Variants in AKAP13 observed in about 807,000 individuals in gnomAD.
AKAP13 encodes the protein A-kinase anchor protein 13.
A neutral mutation model predicts 264.5 loss-of-function variants in AKAP13; 80 were observed. That is an observed-to-expected ratio of 0.30 (90% CI 0.25 to 0.36). AKAP13 has a LOEUF of 0.36. AKAP13 is among the 10% of genes least tolerant of loss of function. The pLI is 1.00. For synonymous variants in AKAP13, 1,380 were observed against 1,250.2 expected (o/e 1.10, Z -2.19); for missense variants, 3,712 against 3,435.2 (o/e 1.08, Z -2.01).
chr15:85,638,785 C>T (rs1401546232), intron 8 of AKAP13, among the ~76,000 whole-genome samples: 2 of 150,578 alleles, frequency 1.3e-5, no homozygotes, highest in South Asian at 2.1e-4. Flanking sequence ...TTTGAGATGG[C>T]GTCTTGCTCC....
At chr15:85,743,999 T>A in intron 36 of AKAP13, 174 bp downstream of exon 36, 1 of 713,186 alleles carries the variant, frequency 1.4e-6, no homozygotes, top group Non-Finnish European at 2.3e-6. Flanking sequence ...CAGCGAACAT[T>A]AAGAACCCAC....
intron 2 of AKAP13, among the ~76,000 whole-genome samples, chr15:85,487,724 C>T (rs2075601115): frequency 6.7e-6 from 1 of 149,636 alleles, no homozygotes; most frequent in South Asian, 2.1e-4. Context: ...CGCCACCATG[C>T]CTGGCTATTT....
At chr15:85,479,370 G>A (rs1425051787) in intron 1 of AKAP13, among the ~76,000 whole-genome samples, 1 of 152,194 alleles carries the variant, frequency 6.6e-6, no homozygotes, top group Non-Finnish European at 1.5e-5. Context: ...TCATTTCCAT[G>A]TTAACCCTCA....
intron 1 of AKAP13, among the ~76,000 whole-genome samples, chr15:85,412,796 A>G (rs2072041582): frequency 6.6e-6 from 1 of 152,202 alleles, no homozygotes; most frequent in Non-Finnish European, 1.5e-5. Context: ...ACAGAGGAAA[A>G]TAATTAGTAT....
At position 85,585,690 on chromosome 15, in the gene AKAP13, C is replaced by T; in HGVS notation, c.4040-12C>T. ...TTTAAAAATGTACTCTGTAACCCCC[C>T]TGCACTTTCAGAAATGCCAGACGTG... On this transcript the variant is annotated splice_polypyrimidine_tract_variant and intron_variant, in intron 7 of 36. Transcript: ENST00000394518. 6.2e-7 allele frequency: 1 copy of T among 1,614,064 alleles called. No homozygotes were observed. The highest frequency in any genetic ancestry group is 8.5e-7 in the Non-Finnish European group (1 of 1,179,928).
intron 26 of AKAP13, 82 bp from the exon 27 acceptor site, chr15:85,726,328 C>A: frequency 8.6e-7 from 1 of 1,157,102 alleles, no homozygotes; most frequent in Non-Finnish European, 1.3e-6. Context: ...CTGAAACACC[C>A]TTCAATAAAA....
At chr15:85,465,597 C>G (rs1305235176) in intron 1 of AKAP13, among the ~76,000 whole-genome samples, 2 of 147,848 alleles carry the variant, frequency 1.4e-5, no homozygotes, top group Non-Finnish European at 1.5e-5. Flanking sequence ...TGAGAACATG[C>G]GGTGTTTGGT....
At chr15:85,455,756 A>G (rs1009043664) in intron 1 of AKAP13, among the ~76,000 whole-genome samples, 1 of 150,814 alleles carries the variant, frequency 6.6e-6, no homozygotes, top group Non-Finnish European at 1.5e-5. Flanking sequence ...CCCTTTAACA[A>G]TTTGTGTCTG....
intron 1 of AKAP13, among the ~76,000 whole-genome samples, chr15:85,385,536 C>G (rs751757757): frequency 6.6e-6 from 1 of 152,180 alleles, no homozygotes; most frequent in Non-Finnish European, 1.5e-5. Context: ...TGTACTCAAC[C>G]GGTTCTCTAC....
At chr15:85,471,497 A>AAAACAAAC (rs567342678) in intron 1 of AKAP13, among the ~76,000 whole-genome samples, 5 of 152,176 alleles carry the variant, frequency 3.3e-5, no homozygotes, top group African/African-American at 1.2e-4. Flanking sequence ...TCCGTCTCAA[A>AAAACAAAC]AAACAAACAA....
Position 85,718,290 on chromosome 15 carries a change from T to G in AKAP13, c.6001+131T>G. 1.8e-6 allele frequency: 2 copies of G among 1,132,660 alleles called. No individual in the cohort carries two copies. Among genetic ancestry groups the G allele is most frequent in the Non-Finnish European group, 2.5e-6 (2 of 805,016 alleles). 70.2% of individuals were successfully genotyped at this position (1,132,660 alleles called of 1,614,324 possible). A position where few individuals can be genotyped will look rare whatever the true frequency, so the allele number is the denominator to read the frequency against. On this transcript the variant is annotated intron_variant, in intron 22 of 36. Transcript: ENST00000394518. The surrounding 1 kb of genome is among the most constrained non-coding windows in gnomAD (Gnocchi z 4.9). ...CTTGAAAAGATTTCCTTTAAAAACT[T>G]TAAGGTACAGAGACGTGGTCCTGTT...
intron 17 of AKAP13, among the ~76,000 whole-genome samples, chr15:85,695,498 G>A (rs1279778949): frequency 6.6e-6 from 1 of 152,196 alleles, no homozygotes; most frequent in Non-Finnish European, 1.5e-5. Context: ...GAGGAGGAGT[G>A]GAGTTACAGC....
intron 1 of AKAP13, among the ~76,000 whole-genome samples, chr15:85,438,904 A>G (rs1427774466): frequency 4.1e-5 from 6 of 147,786 alleles, no homozygotes; most frequent in Non-Finnish European, 9.0e-5. Flanking sequence ...GGACATAGGC[A>G]TGGGCAAGGA....
At chr15:85,412,432 A>G (rs761190315) in intron 1 of AKAP13, among the ~76,000 whole-genome samples, 1 of 152,252 alleles carries the variant, frequency 6.6e-6, no homozygotes, top group Admixed American at 6.5e-5. Flanking sequence ...TAAGCCAGAC[A>G]TTAAAGAGAT....
chr15:85,522,400 T>C (rs2076854005), intron 3 of AKAP13, among the ~76,000 whole-genome samples: 1 of 152,110 alleles, frequency 6.6e-6, no homozygotes, highest in South Asian at 2.1e-4. Context: ...ACAAAAAGCA[T>C]GGCCTGTGTC....
Position 85,727,575 on chromosome 15 carries a change from C to A in AKAP13, c.7087+112C>A. On this transcript the variant is annotated intron_variant, in intron 29 of 36. Coordinates refer to ENST00000394518, the MANE Select transcript of AKAP13 (RefSeq NM_007200.5). The surrounding 1 kb of genome is among the most constrained non-coding windows in gnomAD (Gnocchi z 5.3). ...GCCCTCAGTTCTAAAGCTGCCCCAG[C>A]AGGCACTTGAAAGCAGCAAAATGAA... 1 of 1,186,056 alleles carries A rather than the reference C, an allele frequency of 8.4e-7. No homozygotes were observed. Among genetic ancestry groups the A allele is most frequent in the South Asian group, 1.4e-5 (1 of 71,308 alleles). 73.5% of individuals were successfully genotyped at this position (1,186,056 alleles called of 1,614,324 possible).
intron 19 of AKAP13, among the ~76,000 whole-genome samples, chr15:85,711,578 G>T (rs2086636607): frequency 6.6e-6 from 1 of 152,130 alleles, no homozygotes; most frequent in African/African-American, 2.4e-5. Flanking sequence ...CTATGGCATG[G>T]TATTCTTTCA....
intron 5 of AKAP13, chr15:85,544,211 T>G: frequency 1.7e-6 from 1 of 592,486 alleles, no homozygotes; most frequent in Non-Finnish European, 3.2e-6. Context: ...TCTCTTATAT[T>G]TTACTATTTT....
At chr15:85,553,617 A>G (rs778478754) in intron 5 of AKAP13, among the ~76,000 whole-genome samples, 26 of 152,186 alleles carry the variant, frequency 1.7e-4, no homozygotes, top group Admixed American at 1.0e-3. Flanking sequence ...TACATATTTT[A>G]TGCTTTAACT....
Sources: allele counts gnomAD v4.1 joint callset (sites outside exome capture counted in the v4.1 genomes callset), GRCh38; gene constraint gnomAD v4.1.1; non-coding constraint Gnocchi (gnomAD v3.1); transcripts MANE v1.5; gene names NCBI Gene and HGNC (gene_info 2026-07-23, HGNC 2026-07-21).